ADAMTS17: variants seen among roughly 807,000 people sequenced by gnomAD.
ADAMTS17 encodes the protein ADAM metallopeptidase with thrombospondin type 1 motif 17.
Under a neutral mutation model 141.5 loss-of-function variants are expected in ADAMTS17, and 113 were observed. That is an observed-to-expected ratio of 0.80 (90% confidence interval 0.69 to 0.93). ADAMTS17 has a LOEUF of 0.93. Among genes scored for constraint, ADAMTS17 ranks in the 40% least tolerant of loss-of-function variants. ADAMTS17 has a pLI of 0.00. For missense variants in ADAMTS17, 1,659 were observed against 1,517.9 expected, an observed-to-expected ratio of 1.09 and a Z score of -1.54; for synonymous variants, 768 against 630.6, an observed-to-expected ratio of 1.22 and a Z score of -3.27.
At chr15:100,227,006 T>A (rs112443295) in intron 7 of ADAMTS17, among the ~76,000 whole-genome samples, 1 of 152,040 alleles carries the variant, frequency 6.6e-6, no homozygotes, top group African/African-American at 2.4e-5. Context: ...AAAATAAAGA[T>A]CCTGGGCAGA....
intron 3 of ADAMTS17, among the ~76,000 whole-genome samples, chr15:100,296,576 GGGGGGT>G (rs1022928414): frequency 3.6e-5 from 2 of 55,464 alleles, no homozygotes; most frequent in African/African-American, 1.5e-4. Context: ...AGGGGGTGAG[GGGGGGT>G]GTGTGTGTGT....
intron 18 of ADAMTS17, among the ~76,000 whole-genome samples, chr15:100,043,971 T>A (rs895951410): frequency 2.0e-5 from 3 of 151,276 alleles, no homozygotes; most frequent in African/African-American, 7.4e-5. Flanking sequence ...GAGTCTGCAC[T>A]CATGTTTGTT....
intron 18 of ADAMTS17, among the ~76,000 whole-genome samples, chr15:100,032,920 C>T (rs905007141): frequency 1.3e-5 from 2 of 152,188 alleles, no homozygotes; most frequent in South Asian, 4.1e-4. Flanking sequence ...TGATGAGCAA[C>T]AGTGAACTGG....
intron 8 of ADAMTS17, among the ~76,000 whole-genome samples, chr15:100,173,649 A>G (rs1381129005): frequency 2.0e-5 from 3 of 152,228 alleles, no homozygotes; most frequent in Non-Finnish European, 4.4e-5. Context: ...TCTCTTATTC[A>G]CTGGACTCTG....
intron 20 of ADAMTS17, among the ~76,000 whole-genome samples, chr15:99,986,378 C>T (rs1433014338): frequency 1.3e-5 from 2 of 152,214 alleles, no homozygotes; most frequent in African/African-American, 2.4e-5. Context: ...TGAACTTGAC[C>T]TCAGACTGAT....
chr15:100,155,308 G>T lies in ADAMTS17; in HGVS notation c.1194C>A (p.Asn398Lys), dbSNP rs2039381249. The T allele has an allele frequency of 6.2e-7, 1 of 1,613,834 alleles. No homozygotes were observed. Among genetic ancestry groups the T allele is most frequent in the Non-Finnish European group, 8.5e-7 (1 of 1,179,860 alleles). The change falls in exon 9 of 22, where the codon AAC becomes AAA. Residue 398 changes from asparagine to lysine, a missense_variant. By Grantham distance (94) the Asn-to-Lys change is moderately conservative (BLOSUM62 0). Transcript: ENST00000268070. ...AHELGHNLGM[N>K]HDDDHSSCAG... ...CGCAAGATGAGTGGTCATCGTCGTGGTTCATGCCCAAGCTGTCCAAGAAGG... is the reference window on the plus strand; with the variant it reads ...CGCAAGATGAGTGGTCATCGTCGTGTTTCATGCCCAAGCTGTCCAAGAAGG...
At chr15:100,329,749 C>T (rs748799586) in intron 3 of ADAMTS17, among the ~76,000 whole-genome samples, 4 of 152,172 alleles carry the variant, frequency 2.6e-5, no homozygotes, top group African/African-American at 7.2e-5. Flanking sequence ...AGCACAATCA[C>T]CTCTAATACT....
chr15:100,066,610 G>A (rs1232324135), intron 15 of ADAMTS17, among the ~76,000 whole-genome samples: 2 of 152,242 alleles, frequency 1.3e-5, no homozygotes, highest in Non-Finnish European at 1.5e-5. Flanking sequence ...TTGAGAAATG[G>A]TGTTCTTGGG....
chr15:100,324,140 AC>A (rs1412484477), intron 3 of ADAMTS17, among the ~76,000 whole-genome samples: 5 of 152,074 alleles, frequency 3.3e-5, no homozygotes, highest in Admixed American at 1.3e-4. Flanking sequence ...CCCCATCTCT[AC>A]TAAAAGTACA....
intron 3 of ADAMTS17, among the ~76,000 whole-genome samples, 175 bp downstream of exon 3, chr15:100,330,714 G>A (rs540420033): frequency 6.6e-6 from 1 of 152,298 alleles, no homozygotes; most frequent in Non-Finnish European, 1.5e-5. Flanking sequence ...TCAAAGGACT[G>A]CCGACACTAA....
chr15:100,283,927 G>A (rs953319560), intron 3 of ADAMTS17, among the ~76,000 whole-genome samples: 2 of 152,144 alleles, frequency 1.3e-5, no homozygotes, highest in Admixed American at 6.5e-5. Flanking sequence ...CCAACCTGGT[G>A]AAACCCCGTC....
intron 7 of ADAMTS17, among the ~76,000 whole-genome samples, chr15:100,218,621 G>A (rs934112389): frequency 1.3e-5 from 2 of 152,196 alleles, no homozygotes; most frequent in Non-Finnish European, 2.9e-5. Flanking sequence ...ACTGCTGACA[G>A]GAATGTAAAA....
chr15:100,148,630 T>A (rs1446586750), intron 10 of ADAMTS17, among the ~76,000 whole-genome samples: 1 of 152,090 alleles, frequency 6.6e-6, no homozygotes, highest in Non-Finnish European at 1.5e-5. Context: ...AACTTATCTG[T>A]TTTTCCTCTG....
At chr15:100,062,657 G>T (rs1417891521) in intron 15 of ADAMTS17, among the ~76,000 whole-genome samples, 2 of 152,076 alleles carry the variant, frequency 1.3e-5, no homozygotes, top group African/African-American at 4.8e-5. Context: ...GAAATAAAAG[G>T]GTTTCATGGG....
In ADAMTS17 at chr15:100,096,473, T is replaced by G; in HGVS notation, c.2020A>C (p.Ile674Leu). 8.7e-6 allele frequency: 14 copies of G among 1,614,108 alleles called. No individual in the cohort carries two copies. Among genetic ancestry groups the G allele is most frequent in the Non-Finnish European group, 1.2e-5 (14 of 1,180,022 alleles). The change falls in exon 15 of 22, where the codon ATC (isoleucine) becomes CTC (leucine). Residue 674 changes from isoleucine (I) to leucine (L), a missense_variant. Coordinates refer to ENST00000268070, the MANE Select transcript of ADAMTS17 (RefSeq NM_139057.4). Reference protein sequence around the residue: ...DLCVHGKCQKIGCDGIIGSAA... With the variant: ...DLCVHGKCQKLGCDGIIGSAA... Reference sequence around the variant, plus strand: ...GACCCGATGATGCCGTCACAGCCGATTTTCTAAAGAACCAGAGGGCCTCAT... The same window carrying G: ...GACCCGATGATGCCGTCACAGCCGAGTTTCTAAAGAACCAGAGGGCCTCAT...
Position 100,341,282 on chromosome 15 carries a change from TG to T in ADAMTS17, c.206del (p.Pro69GlnfsTer94). ...CTCCGGGCCGGGCGCGCGGGGCGGC[TG>T]GGGGCGTGCGGGGGCGTCGCCGCCG... Reference protein sequence around the residue: ...PRRRRRPRTPPAAPRARPGER... With the variant: ...PRRRRRPRTPXAAPRARPGER... On this transcript the variant is annotated frameshift_variant, in exon 2 of 22. Transcript: ENST00000268070. LOFTEE classifies it high-confidence loss of function. 1.7e-6 allele frequency: 2 copies of T among 1,168,322 alleles called. No individual in the cohort carries two copies. The highest frequency in any genetic ancestry group is 4.7e-5 in the Admixed American group (1 of 21,164). The allele number at this position is 1,168,322 out of a possible 1,614,324, so 72.4% of individuals were successfully genotyped here. A position where few individuals can be genotyped will look rare whatever the true frequency, so the allele number is the denominator to read the frequency against.
intron 18 of ADAMTS17, among the ~76,000 whole-genome samples, chr15:100,020,838 G>C (rs182237470): frequency 9.1e-4 from 138 of 152,272 alleles, no homozygotes; most frequent in African/African-American, 3.1e-3. Flanking sequence ...AGTGACTAAG[G>C]GTGTTTGGAG....
At chr15:100,313,456 G>A (rs1012796738) in intron 3 of ADAMTS17, among the ~76,000 whole-genome samples, 1 of 152,200 alleles carries the variant, frequency 6.6e-6, no homozygotes, top group Admixed American at 6.5e-5. Context: ...AAAGTGTTTG[G>A]AAGATTTGAT....
intron 15 of ADAMTS17, among the ~76,000 whole-genome samples, chr15:100,090,000 A>C (rs1038959574): frequency 9.9e-5 from 15 of 151,966 alleles, no homozygotes; most frequent in Admixed American, 2.0e-4. Context: ...ATTAAAAAAA[A>C]AAAAAACAAA....
Sources: allele counts gnomAD v4.1 joint callset (sites outside exome capture counted in the v4.1 genomes callset), GRCh38; gene constraint gnomAD v4.1.1; transcripts MANE v1.5; gene names NCBI Gene and HGNC (gene_info 2026-07-23, HGNC 2026-07-21).